The following WLS variants were observed in gnomAD, a reference collection of about 807,000 sequenced individuals.
The protein encoded by WLS is protein wntless homolog.
In WLS, 23 loss-of-function variants were observed where a neutral mutation model predicts 62.8. That is an observed-to-expected ratio of 0.37 (90% CI 0.26 to 0.52). The LOEUF (loss-of-function observed/expected upper bound fraction) is 0.52. Among genes scored for constraint, WLS ranks in the 20% least tolerant of loss-of-function variants. The pLI, the probability that WLS is intolerant of heterozygous loss-of-function variation, is 0.92. For missense variants in WLS, 615 were observed against 697.3 expected (o/e 0.88, Z 1.33); for synonymous variants, 246 against 244.1 (o/e 1.01, Z -0.07).
At chr1:68,165,617 G>A (rs754257400) in intron 2 of WLS, among the ~76,000 whole-genome samples, 9 of 152,196 alleles carry the variant, frequency 5.9e-5, no homozygotes, top group South Asian at 2.1e-4. Context: ...GCTTGAGCTC[G>A]GAGGTTAGGG....
Position 68,125,394 on chromosome 1 carries a change from T to C in WLS, c.*832A>G, listed in dbSNP as rs1646413859. 2 of 984,738 alleles carry C rather than the reference T, an allele frequency of 2.0e-6. No homozygotes were observed. The highest frequency in any genetic ancestry group is 4.7e-5 in the South Asian group (1 of 21,280). 61.0% of individuals were successfully genotyped at this position (984,738 alleles called of 1,614,324 possible). A position where few individuals can be genotyped will look rare whatever the true frequency, so the allele number is the denominator to read the frequency against. On this transcript the variant is annotated 3_prime_UTR_variant, in exon 12 of 12. Coordinates refer to ENST00000262348, the MANE Select transcript of WLS (RefSeq NM_024911.7). Reference sequence around the variant, plus strand: ...GCAGGAGGGGATATGCATGTACACATATGCATATACATACAGGTTTATTTA... The same window carrying C: ...GCAGGAGGGGATATGCATGTACACACATGCATATACATACAGGTTTATTTA...
chr1:68,193,358 A>G (rs890202958), intron 2 of WLS, among the ~76,000 whole-genome samples: 4 of 129,192 alleles, frequency 3.1e-5, no homozygotes, highest in African/African-American at 1.2e-4. Flanking sequence ...TGAAAAGTTT[A>G]TATGTCTCAT....
rs149955227 is a variant in WLS at position 68,174,306 on chromosome 1, T to C, written c.380-15059A>G. Among the ~76,000 whole-genome samples the C allele has an allele frequency of 3.2e-3, 484 of 152,308 alleles. 1 individual carries two copies. Among genetic ancestry groups the C allele is most frequent in the African/African-American group, 0.011 (466 of 41,562 alleles). On this transcript the variant is annotated intron_variant, in intron 2 of 11. Transcript: ENST00000262348. The stretch of plus-strand genomic sequence containing the variant: ...TATTGCTGGAGTCAGGCCAGTGTTA[T>C]TCACACGAAGTATTTGTTTCATACG...
intron 11 of WLS, among the ~76,000 whole-genome samples, chr1:68,108,554 A>G (rs1646178375): frequency 6.6e-6 from 1 of 152,180 alleles, no homozygotes; most frequent in Non-Finnish European, 1.5e-5. Flanking sequence ...GGGTGATTGG[A>G]CTGAGGTGGG....
At chr1:68,209,130 T>C (rs1408734730) in intron 1 of WLS, among the ~76,000 whole-genome samples, 1 of 149,958 alleles carries the variant, frequency 6.7e-6, no homozygotes, top group Non-Finnish European at 1.5e-5. Context: ...TCATCCCCAC[T>C]GCTGGCAAGT....
chr1:68,128,728 C>A (rs79279792), intron 11 of WLS, among the ~76,000 whole-genome samples: 3,935 of 152,288 alleles, frequency 0.026, 73 homozygotes, highest in Middle Eastern at 0.051. Context: ...ATGCTTAACA[C>A]GTGCCTGACA....
downstream of WLS, among the ~76,000 whole-genome samples, chr1:68,124,882 C>T (rs1429778482): frequency 6.6e-6 from 1 of 152,148 alleles, no homozygotes; most frequent in Non-Finnish European, 1.5e-5. Flanking sequence ...AGGAAAAACA[C>T]ATTTATGTGG....
At chr1:68,172,325 A>G (rs1238351354) in intron 2 of WLS, among the ~76,000 whole-genome samples, 1 of 150,088 alleles carries the variant, frequency 6.7e-6, no homozygotes, top group Non-Finnish European at 1.5e-5. Context: ...AAAAAAAAAT[A>G]CTCAGAGAAG....
In WLS at chr1:68,219,040, C is replaced by T. The variant is rs369120464; in HGVS notation, c.106+13154G>A. Among the ~76,000 whole-genome samples, 8 of 152,264 alleles carry T rather than the reference C, an allele frequency of 5.3e-5. No homozygotes were observed. In the South Asian group the frequency reaches 8.3e-4, roughly 16 times the overall value. ...AGAAGCCCCTTCAAAATAGCCCTCA[C>T]GGAACAGAAGAAACACATTTACTTC... On this transcript the variant is annotated intron_variant, in intron 1 of 11. Coordinates refer to ENST00000262348, the MANE Select transcript of WLS (RefSeq NM_024911.7).
chr1:68,128,764 A>G (rs1326889862), intron 11 of WLS, among the ~76,000 whole-genome samples: 1 of 152,202 alleles, frequency 6.6e-6, no homozygotes, highest in African/African-American at 2.4e-5. Flanking sequence ...TACAAATATT[A>G]ATGCACTTAA....
chr1:68,175,786 G>T (rs1477455584), intron 2 of WLS, among the ~76,000 whole-genome samples: 3 of 152,196 alleles, frequency 2.0e-5, no homozygotes, highest in African/African-American at 7.2e-5. Flanking sequence ...ACAGGGCAGT[G>T]CTTGAGAAAT....
intron 11 of WLS, among the ~76,000 whole-genome samples, chr1:68,111,107 C>T (rs537759032): frequency 2.0e-5 from 3 of 152,272 alleles, no homozygotes; most frequent in African/African-American, 4.8e-5. Flanking sequence ...TAATCTTGAC[C>T]GTGGTCTTAA....
intron 6 of WLS, among the ~76,000 whole-genome samples, chr1:68,149,547 T>C (rs1646797787): frequency 6.6e-6 from 1 of 152,236 alleles, no homozygotes; most frequent in Admixed American, 6.5e-5. Flanking sequence ...CCCATGTGCC[T>C]GACGTGAAGA....
chr1:68,104,137 G>A (rs1030507444), intron 11 of WLS, among the ~76,000 whole-genome samples: 1 of 151,874 alleles, frequency 6.6e-6, no homozygotes, highest in African/African-American at 2.4e-5. Flanking sequence ...TGTAGTGTTT[G>A]ATTAAGAATA....
At chr1:68,145,103 T>C (rs1646735389) in intron 9 of WLS, among the ~76,000 whole-genome samples, 1 of 152,222 alleles carries the variant, frequency 6.6e-6, no homozygotes, top group South Asian at 2.1e-4. Flanking sequence ...CAGGCAAGCC[T>C]TAGAAAGTGC....
At chr1:68,170,166 T>TTC (rs1290583071) in intron 2 of WLS, among the ~76,000 whole-genome samples, 1 of 136,944 alleles carries the variant, frequency 7.3e-6, no homozygotes, top group South Asian at 2.5e-4. Flanking sequence ...ATTTCTTTTT[T>TTC]TTTTTTTTTT....
intron 1 of WLS, among the ~76,000 whole-genome samples, chr1:68,223,331 C>T (rs1650016074): frequency 6.6e-6 from 1 of 152,108 alleles, no homozygotes. Context: ...TTGGTTATAG[C>T]ACAGGAACTA....
intron 11 of WLS, among the ~76,000 whole-genome samples, chr1:68,109,199 A>G (rs1646187177): frequency 2.2e-5 from 1 of 46,168 alleles, no homozygotes; most frequent in South Asian, 5.6e-4. Context: ...CTAACAAGAT[A>G]GAGAGATTAA....
At chr1:68,165,543 A>G (rs1471066991) in intron 2 of WLS, among the ~76,000 whole-genome samples, 1 of 151,486 alleles carries the variant, frequency 6.6e-6, no homozygotes, top group Non-Finnish European at 1.5e-5. Flanking sequence ...CCACCTGTAT[A>G]CTCTTGGATG....
Sources: allele counts gnomAD v4.1 joint callset (sites outside exome capture counted in the v4.1 genomes callset), GRCh38; gene constraint gnomAD v4.1.1; transcripts MANE v1.5; gene names NCBI Gene and HGNC (gene_info 2026-07-23, HGNC 2026-07-21).